Variants in CIMIP4 observed in about 807,000 individuals in gnomAD.
CIMIP4 encodes protein EAN57.
the CIMIP4 span, among the ~76,000 whole-genome samples, chr22:36,999,391 C>A: frequency 6.8e-6 from 1 of 148,046 alleles, no homozygotes; most frequent in Non-Finnish European, 1.5e-5. Context: ...AGGGGGGTAG[C>A]TGAGGTGGGA....
chr22:36,999,782 G>A, the CIMIP4 span: 1 of 1,570,872 alleles, frequency 6.4e-7, no homozygotes, highest in East Asian at 2.2e-5. Flanking sequence ...GGCCTTCCCT[G>A]CCCAATGCCT....
chr22:37,001,218 T>G, the CIMIP4 span, among the ~76,000 whole-genome samples: 1 of 151,822 alleles, frequency 6.6e-6, no homozygotes, highest in Non-Finnish European at 1.5e-5. Flanking sequence ...TGACTAGTGA[T>G]GTCTGCCATG....
At chr22:37,006,569 GA>G in the CIMIP4 span, among the ~76,000 whole-genome samples, 2 of 152,328 alleles carry the variant, frequency 1.3e-5, no homozygotes, top group South Asian at 4.1e-4. Context: ...AACGACACTG[GA>G]GGAGCCTCAG....
the CIMIP4 span, chr22:36,999,721 T>C: frequency 7.5e-7 from 1 of 1,332,840 alleles, no homozygotes; most frequent in South Asian, 1.5e-5. Context: ...ATAAGTGTCC[T>C]TGAAGATGTG....
At chr22:37,007,471 C>A in the CIMIP4 span, 1 of 152,240 alleles carries the variant, frequency 6.6e-6, no homozygotes, top group African/African-American at 2.4e-5. Flanking sequence ...CAGCCACCAA[C>A]CTGACGTGCC....
the CIMIP4 span, among the ~76,000 whole-genome samples, chr22:37,002,595 T>C: frequency 1.3e-5 from 2 of 152,324 alleles, no homozygotes; most frequent in South Asian, 4.1e-4. Flanking sequence ...CGCCTAAGCC[T>C]GTCCCGCCTT....
At chr22:37,002,375 G>A in the CIMIP4 span, 1 of 802,892 alleles carries the variant, frequency 1.2e-6, no homozygotes, top group East Asian at 3.9e-5. Context: ...TAGAGGGTGG[G>A]GAGGGGGCAG....
the CIMIP4 span, among the ~76,000 whole-genome samples, chr22:36,995,676 A>C: frequency 2.0e-5 from 3 of 152,140 alleles, no homozygotes; most frequent in African/African-American, 4.8e-5. Context: ...GTAGTGAATA[A>C]ATTTCATGAG....
chr22:37,003,977 C>T, the CIMIP4 span: 2 of 1,550,108 alleles, frequency 1.3e-6, no homozygotes, highest in African/African-American at 1.4e-5. Flanking sequence ...TGCTCCGTGG[C>T]CCAGCTCCAT....
chr22:36,995,374 G>C, the CIMIP4 span, among the ~76,000 whole-genome samples: 5 of 152,214 alleles, frequency 3.3e-5, no homozygotes, highest in East Asian at 9.6e-4. Context: ...GCATGGAGCA[G>C]ATGAGGACCT....
chr22:37,002,030 C>T, the CIMIP4 span: 2 of 1,611,380 alleles, frequency 1.2e-6, no homozygotes, highest in South Asian at 1.1e-5. Context: ...CGAGGAGGAT[C>T]GAGAGCCCGC....
the CIMIP4 span, chr22:36,991,649 A>C: frequency 7.4e-7 from 1 of 1,359,516 alleles, no homozygotes; most frequent in Admixed American, 1.7e-5. Flanking sequence ...CGGGTACTCC[A>C]TGGCTTATAT....
At chr22:36,995,743 G>A in the CIMIP4 span, among the ~76,000 whole-genome samples, 7 of 152,000 alleles carry the variant, frequency 4.6e-5, no homozygotes, top group African/African-American at 9.7e-5. Flanking sequence ...CTCTCTTGTC[G>A]GCCACCGTGT....
the CIMIP4 span, among the ~76,000 whole-genome samples, chr22:37,007,084 AC>A: frequency 6.6e-6 from 1 of 152,122 alleles, no homozygotes; most frequent in African/African-American, 2.4e-5. Context: ...GACCCAAGCA[AC>A]ACCTTGATTG....
chr22:36,994,573 T>A, the CIMIP4 span, among the ~76,000 whole-genome samples: 1 of 151,602 alleles, frequency 6.6e-6, no homozygotes, highest in Non-Finnish European at 1.5e-5. Context: ...TTCACCATAT[T>A]GGCCAGGATG....
the CIMIP4 span, chr22:36,991,288 A>G: frequency 6.2e-7 from 1 of 1,613,900 alleles, no homozygotes; most frequent in Non-Finnish European, 8.5e-7. Flanking sequence ...TACAGCGAGC[A>G]GGAGAAGAGC....
chr22:36,994,728 TCACGC>T, the CIMIP4 span, among the ~76,000 whole-genome samples: 143 of 151,616 alleles, frequency 9.4e-4, 1 homozygote, highest in East Asian at 2.1e-3. Flanking sequence ...CTTCCCGGGT[TCACGC>T]CATTCTCCTG....
chr22:37,001,662 T>G, the CIMIP4 span, among the ~76,000 whole-genome samples: 1 of 152,170 alleles, frequency 6.6e-6, no homozygotes, highest in African/African-American at 2.4e-5. Context: ...TGGGAAGATG[T>G]AACAACTTGT....
At chr22:37,001,181 A>G in the CIMIP4 span, among the ~76,000 whole-genome samples, 5 of 151,868 alleles carry the variant, frequency 3.3e-5, no homozygotes, top group African/African-American at 7.3e-5. Context: ...CTGGAATGCT[A>G]TATCGGGTGG....
Sources: allele counts gnomAD v4.1 joint callset (sites outside exome capture counted in the v4.1 genomes callset), GRCh38; gene constraint gnomAD v4.1.1; transcripts MANE v1.5; gene names NCBI Gene and HGNC (gene_info 2026-07-23, HGNC 2026-07-21).